ATXN7L1: variants seen among roughly 807,000 people sequenced by gnomAD.
ATXN7L1 encodes ataxin 7 like 1.
Under a neutral mutation model 70.8 loss-of-function variants are expected in ATXN7L1, and 15 were observed. The ratio of observed to expected loss-of-function variants is 0.21; its 90% confidence interval spans 0.14 to 0.33. The LOEUF (loss-of-function observed/expected upper bound fraction) is 0.33. Among genes scored for constraint, ATXN7L1 ranks in the 10% least tolerant of loss-of-function variants. ATXN7L1 has a pLI of 1.00. For synonymous variants in ATXN7L1, 440 were observed against 445.1 expected, an observed-to-expected ratio of 0.99 and a Z score of 0.14; for missense variants, 975 against 1,097.1, an observed-to-expected ratio of 0.89 and a Z score of 1.57.
At chr7:105,691,202 G>A (rs1315667065) in intron 3 of ATXN7L1, among the ~76,000 whole-genome samples, 2 of 152,160 alleles carry the variant, frequency 1.3e-5, no homozygotes, top group Non-Finnish European at 2.9e-5. Flanking sequence ...CATTTCAGAC[G>A]TTTGAAACAA....
chr7:105,699,273 C>T (rs1410224762), intron 3 of ATXN7L1, among the ~76,000 whole-genome samples: 3 of 152,168 alleles, frequency 2.0e-5, no homozygotes, highest in Non-Finnish European at 4.4e-5. Context: ...GCTGGGATTA[C>T]AGGCATGCAC....
intron 3 of ATXN7L1, among the ~76,000 whole-genome samples, chr7:105,695,457 T>G (rs535877493): frequency 2.0e-5 from 3 of 152,176 alleles, no homozygotes; most frequent in Non-Finnish European, 2.9e-5. Flanking sequence ...GAGCTACTAT[T>G]TCAATGGAAA....
At chr7:105,798,164 C>T (rs1194819398) in intron 2 of ATXN7L1, among the ~76,000 whole-genome samples, 1 of 152,202 alleles carries the variant, frequency 6.6e-6, no homozygotes, top group East Asian at 1.9e-4. Flanking sequence ...TCCAGGTGAG[C>T]CGTCAGTGGA....
chr7:105,629,092 C>T (rs1796194599), intron 7 of ATXN7L1, among the ~76,000 whole-genome samples: 1 of 152,066 alleles, frequency 6.6e-6, no homozygotes, highest in African/African-American at 2.4e-5. Flanking sequence ...CTCAGCCTCC[C>T]TAGTAGCTGG....
chr7:105,809,988 C>T (rs1405003848), intron 2 of ATXN7L1, among the ~76,000 whole-genome samples: 1 of 152,122 alleles, frequency 6.6e-6, no homozygotes, highest in African/African-American at 2.4e-5. Flanking sequence ...CCCAGGCTGG[C>T]CTCGAATTCC....
intron 2 of ATXN7L1, chr7:105,819,772 G>C (rs550804729): frequency 1.4e-6 from 1 of 700,148 alleles, no homozygotes; most frequent in African/African-American, 1.8e-5. Context: ...GACAAAGCAA[G>C]GCCGGGCCGC....
intron 3 of ATXN7L1, among the ~76,000 whole-genome samples, chr7:105,671,889 C>CAAA (rs55748938): frequency 1.9e-4 from 11 of 56,416 alleles, no homozygotes; most frequent in South Asian, 1.0e-3. Context: ...GACCCTGTCT[C>CAAA]AAAAAAAAAA....
In ATXN7L1 at chr7:105,876,452, A is replaced by G. The variant is rs1466016086; in HGVS notation, c.107T>C (p.Val36Ala). The change falls in exon 1 of 12, where the codon GTG becomes GCG. Residue 36 changes from valine to alanine, a missense_variant. Val to Ala is a moderately conservative substitution (Grantham distance 64). Coordinates refer to ENST00000419735, the MANE Select transcript of ATXN7L1 (RefSeq NM_020725.2). Reference sequence around the variant, plus strand: ...GCCCAGAAACGCCTCCGGACTGGGCACTTTGCGATCCAGTGTCGCCATTGC... The same window carrying G: ...GCCCAGAAACGCCTCCGGACTGGGCGCTTTGCGATCCAGTGTCGCCATTGC... ...GRAMATLDRKVPSPEAFLGKP... is the reference protein window; with the variant it reads ...GRAMATLDRKAPSPEAFLGKP... The G allele has an allele frequency of 6.2e-7, 1 of 1,613,666 alleles. No homozygotes were observed. The highest frequency in any genetic ancestry group is 2.2e-5 in the East Asian group (1 of 44,862).
chr7:105,822,824 G>T (rs1810350050), intron 2 of ATXN7L1, among the ~76,000 whole-genome samples: 1 of 152,174 alleles, frequency 6.6e-6, no homozygotes, highest in Non-Finnish European at 1.5e-5. Flanking sequence ...TGCCCAAGAT[G>T]ATCTATTAGG....
intron 2 of ATXN7L1, among the ~76,000 whole-genome samples, chr7:105,857,557 A>G (rs1204297122): frequency 6.6e-6 from 1 of 152,132 alleles, no homozygotes; most frequent in East Asian, 1.9e-4. Flanking sequence ...ATCACTCATC[A>G]TGACTTCCCA....
intron 3 of ATXN7L1, among the ~76,000 whole-genome samples, chr7:105,702,588 G>C (rs1051119580): frequency 6.6e-6 from 1 of 150,472 alleles, no homozygotes; most frequent in African/African-American, 2.5e-5. Flanking sequence ...ACACACACAG[G>C]GCGAATCACA....
chr7:105,733,120 A>T (rs189265886), intron 3 of ATXN7L1, among the ~76,000 whole-genome samples: 1 of 152,344 alleles, frequency 6.6e-6, no homozygotes, highest in East Asian at 1.9e-4. Flanking sequence ...CCATGAAAGC[A>T]GGGGCTTTAC....
At position 105,788,683 on chromosome 7, in the gene ATXN7L1, T is replaced by C; in HGVS notation, c.276A>G (p.Pro92=). 6.2e-7 allele frequency: 1 copy of C among 1,613,692 alleles called. No homozygotes were observed. Among genetic ancestry groups the C allele is most frequent in the Non-Finnish European group, 8.5e-7 (1 of 1,179,600 alleles). Reference sequence around the variant, plus strand: ...CTACGAGATAGAAGTCGTCATGTGCTGGGTAATGGCCAAATAAGTGCATAT... The same window carrying C: ...CTACGAGATAGAAGTCGTCATGTGCCGGGTAATGGCCAAATAAGTGCATAT... ...KEDMHLFGHY[P]AHDDFYLVVC... Residue 92 remains proline, a synonymous_variant, in exon 3 of 12, where the codon CCA becomes CCG. Transcript: ENST00000419735.
chr7:105,770,389 G>A (rs1192818100), intron 3 of ATXN7L1, among the ~76,000 whole-genome samples: 1 of 152,222 alleles, frequency 6.6e-6, no homozygotes, highest in Non-Finnish European at 1.5e-5. Flanking sequence ...TACCCGTTAA[G>A]AGGAGAGAAT....
rs1304644091 is a variant in ATXN7L1 at position 105,692,416 on chromosome 7, TCCTTCCTTCCTC to T, written c.356-27140_356-27129del. Among the ~76,000 whole-genome samples, 1,271 of 134,770 alleles carry T rather than the reference TCCTTCCTTCCTC, an allele frequency of 9.4e-3. 22 individuals are homozygous for T. Among genetic ancestry groups the T allele is most frequent in the African/African-American group, 0.034 (1,182 of 34,674 alleles). 88.4% of individuals were successfully genotyped at this position (134,770 alleles called of 152,430 possible). Reference sequence around the variant, plus strand: ...TTCCTTCCTTCCTTCCTTCCTTCCTTCCTTCCTTCCTCCCTCCCTCCCTCCCTCCCTTCCTTC... The same window carrying T: ...TTCCTTCCTTCCTTCCTTCCTTCCTTCCTCCCTCCCTCCCTCCCTTCCTTC... On this transcript the variant is annotated intron_variant, in intron 3 of 11. Transcript: ENST00000419735.
intron 3 of ATXN7L1, among the ~76,000 whole-genome samples, chr7:105,700,336 T>C (rs139345719): frequency 1.3e-5 from 2 of 151,386 alleles, no homozygotes; most frequent in Non-Finnish European, 1.5e-5. Context: ...TGAAACCCCA[T>C]CTCTACTAAA....
chr7:105,696,816 C>T lies in ATXN7L1; in HGVS notation c.356-31528G>A, dbSNP rs1055052138. On this transcript the variant is annotated intron_variant, in intron 3 of 11. Transcript: ENST00000419735. ...AAGCTGGGTAATGGGGGACCTGCCC[C>T]GAAAATCACGTAGGTTCTTTTCTAT... Among the ~76,000 whole-genome samples the T allele has an allele frequency of 5.3e-5, 8 of 152,264 alleles. No homozygotes were observed. In the East Asian group the frequency reaches 5.8e-4, roughly 11 times the overall value.
At chr7:105,794,182 CGCTTCAAG>C (rs1805667924) in intron 2 of ATXN7L1, among the ~76,000 whole-genome samples, 1 of 152,258 alleles carries the variant, frequency 6.6e-6, no homozygotes, top group Non-Finnish European at 1.5e-5. Flanking sequence ...TTGAAAAACA[CGCTTCAAG>C]GCACTGTAGT....
chr7:105,625,579 C>T (rs768133953), intron 7 of ATXN7L1, among the ~76,000 whole-genome samples: 7 of 152,162 alleles, frequency 4.6e-5, no homozygotes, highest in East Asian at 1.9e-4. Context: ...AGCCCTTTTA[C>T]GCACTGTGGG....
Sources: allele counts gnomAD v4.1 joint callset (sites outside exome capture counted in the v4.1 genomes callset), GRCh38; gene constraint gnomAD v4.1.1; transcripts MANE v1.5; gene names NCBI Gene and HGNC (gene_info 2026-07-23, HGNC 2026-07-21).